The following ANAPC16 variants were observed in gnomAD, a reference collection of about 807,000 sequenced individuals.
The protein encoded by ANAPC16 is anaphase promoting complex subunit 16.
Under a neutral mutation model 13.1 loss-of-function variants are expected in ANAPC16, and 6 were observed. That is an observed-to-expected ratio of 0.46 (90% CI 0.25 to 0.90). The LOEUF (loss-of-function observed/expected upper bound fraction) is 0.90. ANAPC16 is among the 40% of genes least tolerant of loss of function. The pLI is 0.18. For synonymous variants in ANAPC16, 55 were observed against 51.3 expected, an observed-to-expected ratio of 1.07 and a Z score of -0.31; for missense variants, 113 against 131.1, an observed-to-expected ratio of 0.86 and a Z score of 0.67.
At chr10:72,232,471 G>A (rs1029700519) in intron 3 of ANAPC16, among the ~76,000 whole-genome samples, 6 of 150,770 alleles carry the variant, frequency 4.0e-5, no homozygotes, top group African/African-American at 9.7e-5. Flanking sequence ...TTGAACCCAC[G>A]AGGCAGAGGT....
Position 72,219,506 on chromosome 10 carries a change from TGGGA to T in ANAPC16, c.-28+3371_-28+3374del, listed in dbSNP as rs143937677. Among the ~76,000 whole-genome samples, 502 of 151,892 alleles carry T rather than the reference TGGGA, an allele frequency of 3.3e-3. 5 individuals are homozygous for T. The highest frequency in any genetic ancestry group is 0.012 in the African/African-American group (482 of 41,398). On this transcript the variant is annotated intron_variant, in intron 1 of 3. Transcript: ENST00000299381. ...ATCCCAGCATTTTGGGAGGCTGAGG[TGGGA>T]GGATCACTTGAGCCCAGGAATTGGA...
chr10:72,231,256 G>T (rs966686013), intron 3 of ANAPC16, among the ~76,000 whole-genome samples: 3 of 152,096 alleles, frequency 2.0e-5, no homozygotes, highest in African/African-American at 7.2e-5. Flanking sequence ...AGCACATCCA[G>T]GCCGGGTGCA....
At chr10:72,216,542 T>C (rs893795868) in intron 1 of ANAPC16, among the ~76,000 whole-genome samples, 2 of 148,048 alleles carry the variant, frequency 1.4e-5, no homozygotes, top group African/African-American at 5.0e-5. Context: ...TCCAGCTGTT[T>C]TGAAGTGGAA....
chr10:72,219,274 T>C (rs911895147), intron 1 of ANAPC16, among the ~76,000 whole-genome samples: 4 of 152,206 alleles, frequency 2.6e-5, no homozygotes, highest in African/African-American at 9.6e-5. Context: ...CCCTTACTGC[T>C]TAAGTTCAAA....
chr10:72,216,396 A>T (rs1372152050), intron 1 of ANAPC16: 1 of 176,060 alleles, frequency 5.7e-6, no homozygotes, highest in Non-Finnish European at 1.2e-5. Context: ...AAAAGTGGCT[A>T]GGAGTTAGCT....
At position 72,230,459 on chromosome 10, in the gene ANAPC16, C is replaced by G. The variant is rs200696651; in HGVS notation, c.217+19C>G. 423 of 1,606,022 alleles carry G rather than the reference C, an allele frequency of 2.6e-4. 2 individuals are homozygous for G. Among genetic ancestry groups the G allele is most frequent in the Admixed American group, 6.2e-4 (37 of 59,710 alleles). ...AAACATGGTAAGCACATGAGTGTTG[C>G]GTACTTGACTGTGAGAATAAATTTG... is the stretch of plus-strand genomic sequence containing the variant. On this transcript the variant is annotated intron_variant, in intron 3 of 3. Transcript: ENST00000299381.
rs746288646 is a variant in ANAPC16 at position 72,230,452 on chromosome 10, AGT to A, written c.217+15_217+16del. 2 of 1,611,638 alleles carry A rather than the reference AGT, an allele frequency of 1.2e-6. No individual in the cohort carries two copies. The highest frequency in any genetic ancestry group is 2.2e-5 in the South Asian group (2 of 90,992). ...ACAGGTGAAACATGGTAAGCACATG[AGT>A]GTTGCGTACTTGACTGTGAGAATAA... On this transcript the variant is annotated intron_variant, in intron 3 of 3. Transcript: ENST00000299381.
In ANAPC16 at chr10:72,233,141, TGCGCAGCAAGTGCA is replaced by T. The variant is rs768813451; in HGVS notation, c.*26_*39del. ...ATACTGCCTGGATGGTCACCTCTGG[TGCGCAGCAAGTGCA>T]AAGCCAGTGGGGGACTTTCTCACAG... On this transcript the variant is annotated 3_prime_UTR_variant, in exon 4 of 4. Transcript: ENST00000299381. 6.3e-6 allele frequency: 10 copies of T among 1,599,660 alleles called. No homozygotes were observed. In the South Asian group the frequency reaches 1.1e-4, roughly 18 times the overall value.
chr10:72,231,647 C>T (rs1264352576), intron 3 of ANAPC16, among the ~76,000 whole-genome samples: 1 of 152,136 alleles, frequency 6.6e-6, no homozygotes, highest in East Asian at 1.9e-4. Context: ...ACCTTTGCCT[C>T]CTGGGTTCAA....
intron 2 of ANAPC16, among the ~76,000 whole-genome samples, chr10:72,224,341 G>A (rs147864641): frequency 1.3e-5 from 2 of 152,228 alleles, no homozygotes; most frequent in Admixed American, 6.5e-5. Flanking sequence ...GGCTGGGCAC[G>A]GTGGCTCACT....
At chr10:72,222,272 G>T (rs1280261767) in intron 1 of ANAPC16, among the ~76,000 whole-genome samples, 2 of 151,458 alleles carry the variant, frequency 1.3e-5, no homozygotes, top group Admixed American at 6.6e-5. Context: ...ACAAAAATTA[G>T]CTGGGCGTGG....
intron 1 of ANAPC16, chr10:72,220,325 CAA>C (rs75738117): frequency 1.1e-3 from 72 of 63,678 alleles, no homozygotes; most frequent in African/African-American, 1.4e-3. Context: ...AACTCCGTCT[CAA>C]AAAAAAAAAA....
intron 2 of ANAPC16, among the ~76,000 whole-genome samples, chr10:72,225,379 A>G (rs1004241980): frequency 1.3e-5 from 2 of 152,218 alleles, no homozygotes; most frequent in East Asian, 3.9e-4. Context: ...TCCATTTTTT[A>G]CCAGCATCCA....
In ANAPC16 at chr10:72,223,143, A is replaced by G. The variant is rs1860005898; in HGVS notation, c.-27-745A>G. 3 of 137,934 alleles carry G rather than the reference A, an allele frequency of 2.2e-5. No individual in the cohort carries two copies. The South Asian group carries it at 6.8e-4, about 31-fold the overall frequency. The allele number at this position is 137,934 out of a possible 1,614,324, so 8.5% of individuals were successfully genotyped here. ...CGCTCTGTCGCCCAGGCTCACTGCA[A>G]CCTCCGCCTCCCGGGTTCAAATGAT... On this transcript the variant is annotated intron_variant, in intron 1 of 3. Transcript: ENST00000299381.
At chr10:72,221,073 C>A (rs555779594) in intron 1 of ANAPC16, among the ~76,000 whole-genome samples, 5 of 152,018 alleles carry the variant, frequency 3.3e-5, no homozygotes, top group Non-Finnish European at 4.4e-5. Flanking sequence ...CCTGCCACCA[C>A]GCCCAGCTCA....
chr10:72,223,738 A>G lies in ANAPC16; in HGVS notation c.-27-150A>G, dbSNP rs951027027. The G allele has an allele frequency of 1.8e-5, 10 of 543,018 alleles. 1 individual carries two copies. The highest frequency in any genetic ancestry group is 6.4e-5 in the East Asian group (2 of 31,140). The allele number at this position is 543,018 out of a possible 1,614,324, so 33.6% of individuals were successfully genotyped here. A position where few individuals can be genotyped will look rare whatever the true frequency, so the allele number is the denominator to read the frequency against. On this transcript the variant is annotated intron_variant, in intron 1 of 3. Transcript: ENST00000299381. The stretch of plus-strand genomic sequence containing the variant: ...CCTGACTGATATTTTGGCCTGAGAC[A>G]TCAATAAAATATTGTGAAAGTAGAG...
chr10:72,221,467 C>A (rs985273095), intron 1 of ANAPC16, among the ~76,000 whole-genome samples: 5 of 151,436 alleles, frequency 3.3e-5, no homozygotes, highest in African/African-American at 4.9e-5. Flanking sequence ...CCATATTGTG[C>A]AGTGCAGAAA....
intron 1 of ANAPC16, chr10:72,216,985 A>G: frequency 2.2e-6 from 1 of 455,618 alleles, no homozygotes; most frequent in South Asian, 1.5e-5. Flanking sequence ...CTCATGACAC[A>G]GCGCTTCTCT....
At chr10:72,230,345 C>G (rs374454738) in intron 2 of ANAPC16, 21 bp from the exon 3 acceptor site, 19 of 1,608,494 alleles carry the variant, frequency 1.2e-5, no homozygotes, top group Non-Finnish European at 1.5e-5. Context: ...AGATTAAAAC[C>G]TTTTCTCCTT....
Sources: allele counts gnomAD v4.1 joint callset (sites outside exome capture counted in the v4.1 genomes callset), GRCh38; gene constraint gnomAD v4.1.1; transcripts MANE v1.5; gene names NCBI Gene and HGNC (gene_info 2026-07-23, HGNC 2026-07-21).